CRTAC1: variants seen among roughly 807,000 people sequenced by gnomAD.
CRTAC1 encodes cartilage acidic protein 1, also known as acidic secreted protein in cartilage.
A neutral mutation model predicts 67.8 loss-of-function variants in CRTAC1; 37 were observed. The ratio of observed to expected loss-of-function variants is 0.55; its 90% CI spans 0.42 to 0.72. The LOEUF (loss-of-function observed/expected upper bound fraction) is 0.72, where lower values mean the gene tolerates loss of function less well. Ranked by LOEUF, CRTAC1 falls within the 30% of genes least tolerant of loss-of-function variation. The probability of loss-of-function intolerance (pLI) is 0.00; values close to 1 mark genes in which losing one functional copy is unlikely to be tolerated. For synonymous variants in CRTAC1, 348 were observed against 371.0 expected, an observed-to-expected ratio of 0.94 and a Z score of 0.71; for missense variants, 780 against 931.6, an observed-to-expected ratio of 0.84 and a Z score of 2.12.
intron 3 of CRTAC1, among the ~76,000 whole-genome samples, chr10:97,925,151 G>C (rs2136599013): frequency 6.6e-6 from 1 of 152,268 alleles, no homozygotes; most frequent in South Asian, 2.1e-4. Context: ...CATGCCTGTA[G>C]TCCCAGCTAC....
chr10:97,878,532 C>T, intron 14 of CRTAC1: 1 of 1,123,752 alleles, frequency 8.9e-7, no homozygotes. Context: ...GACTTTTTTT[C>T]CCCATGAAGA....
At chr10:97,902,730 T>C (rs1277091000) in intron 7 of CRTAC1, among the ~76,000 whole-genome samples, 2 of 152,158 alleles carry the variant, frequency 1.3e-5, no homozygotes, top group African/African-American at 4.8e-5. Flanking sequence ...GAGCATCCTC[T>C]ACCCGACTTG....
At chr10:98,023,360 CA>C (rs1843160113) in intron 1 of CRTAC1, among the ~76,000 whole-genome samples, 1 of 152,180 alleles carries the variant, frequency 6.6e-6, no homozygotes, top group Non-Finnish European at 1.5e-5. Context: ...TACCAAGGGT[CA>C]CCTCTGCCCC....
intron 2 of CRTAC1, among the ~76,000 whole-genome samples, chr10:97,996,373 A>T (rs1388682690): frequency 6.6e-6 from 1 of 151,180 alleles, no homozygotes; most frequent in East Asian, 1.9e-4. Context: ...CAATGAACTC[A>T]AACAAATTTA....
rs933430193 is a variant in CRTAC1, at chr10:98,030,539, G to A, written c.-67C>T. The A allele has an allele frequency of 1.8e-6, 2 of 1,131,434 alleles. No homozygotes were observed. The highest frequency in any genetic ancestry group is 4.5e-5 in the South Asian group (1 of 22,162). 70.1% of individuals were successfully genotyped at this position (1,131,434 alleles called of 1,614,324 possible). ...GGCGCTCGCTGCCGCCTCTGCCGCC[G>A]GCGCCGCCGCCTGCTTGCTCCCAGC... On this transcript the variant is annotated 5_prime_UTR_variant, in exon 1 of 15. Coordinates refer to ENST00000370597, the MANE Select transcript of CRTAC1 (RefSeq NM_018058.7). This position sits in a 1 kb window ranked among gnomAD's most constrained non-coding sequence, Gnocchi z 4.2.
rs1029684919 is a variant in CRTAC1 at position 98,030,286 on chromosome 10, G to T, written c.24+163C>A. ...GCTCCGCGCGCCAATCGAGTCCAGC[G>T]CCTCCCAGCAAGTTAGGAGCGAAGC... On this transcript the variant is annotated intron_variant, in intron 1 of 14. Coordinates refer to ENST00000370597, the MANE Select transcript of CRTAC1 (RefSeq NM_018058.7). The surrounding 1 kb of genome is among the most constrained non-coding windows in gnomAD (Gnocchi z 4.2). 9.2e-5 allele frequency among the ~76,000 whole-genome samples: 14 copies of T among 152,058 alleles called. No homozygotes were observed. The highest frequency in any genetic ancestry group is 3.4e-4 in the African/African-American group (14 of 41,420).
intron 11 of CRTAC1, among the ~76,000 whole-genome samples, chr10:97,893,817 T>G (rs1252254621): frequency 6.6e-6 from 1 of 152,218 alleles, no homozygotes; most frequent in Non-Finnish European, 1.5e-5. Context: ...TTTGTCATTT[T>G]GAGAATGTTA....
At chr10:97,955,539 T>C (rs2051426596) in intron 2 of CRTAC1, among the ~76,000 whole-genome samples, 1 of 152,234 alleles carries the variant, frequency 6.6e-6, no homozygotes, top group South Asian at 2.1e-4. Flanking sequence ...TCTGTGTCCT[T>C]GGGCAAGTTT....
intron 2 of CRTAC1, among the ~76,000 whole-genome samples, chr10:97,981,882 T>C (rs1056172599): frequency 6.6e-6 from 1 of 152,260 alleles, no homozygotes; most frequent in African/African-American, 2.4e-5. Context: ...GTTGAAGTCA[T>C]GTATTGTTTT....
In CRTAC1 at chr10:97,975,352, A is replaced by C. The variant is rs1267503999; in HGVS notation, c.224+35786T>G. On this transcript the variant is annotated intron_variant, in intron 2 of 14. Transcript: ENST00000370597. This position sits in a 1 kb window ranked among gnomAD's most constrained non-coding sequence, Gnocchi z 4.8. Reference sequence around the variant, plus strand: ...GGTTCCTGACCCGCCTCCTGGCTGGAGGGTTCAAAAGACTTCAGACCTCCG... The same window carrying C: ...GGTTCCTGACCCGCCTCCTGGCTGGCGGGTTCAAAAGACTTCAGACCTCCG... Among the ~76,000 whole-genome samples the C allele has an allele frequency of 6.6e-6, 1 of 151,762 alleles. No homozygotes were observed. Among genetic ancestry groups the C allele is most frequent in the Non-Finnish European group, 1.5e-5 (1 of 67,908 alleles).
rs184804205 is a variant in CRTAC1 at position 97,878,385 on chromosome 10, C to T, written c.1819+1864G>A. The stretch of plus-strand genomic sequence containing the variant: ...GTTCTAAGTGTAAAAACAGCACTAG[C>T]TACAAGGAATTCATATTTTGTGATT... On this transcript the variant is annotated intron_variant, in intron 14 of 14. Transcript: ENST00000370597. 4.9e-3 allele frequency: 1,071 copies of T among 219,600 alleles called. 19 individuals are homozygous for T. The highest frequency in any genetic ancestry group is 3.2e-3 in the South Asian group (51 of 16,090). 13.6% of individuals were successfully genotyped at this position (219,600 alleles called of 1,614,324 possible).
intron 5 of CRTAC1, 59 bp from the exon 6 acceptor site, chr10:97,908,206 G>A (rs2050641673): frequency 1.3e-6 from 2 of 1,595,224 alleles, no homozygotes; most frequent in Admixed American, 3.4e-5. Context: ...CCACCTGGAG[G>A]ACAGGGCTGC....
chr10:97,931,897 G>A (rs1590218208), intron 3 of CRTAC1, among the ~76,000 whole-genome samples: 1 of 152,186 alleles, frequency 6.6e-6, no homozygotes, highest in Non-Finnish European at 1.5e-5. Flanking sequence ...TGTGGAGGGA[G>A]GTGTCAGCAC....
chr10:97,962,521 G>A (rs1032879726), intron 2 of CRTAC1, among the ~76,000 whole-genome samples: 3 of 152,156 alleles, frequency 2.0e-5, no homozygotes, highest in Non-Finnish European at 2.9e-5. Context: ...GTAACAACTC[G>A]AGTTGTGGAG....
chr10:97,962,816 C>T (rs1363412872), intron 2 of CRTAC1, among the ~76,000 whole-genome samples: 1 of 151,032 alleles, frequency 6.6e-6, no homozygotes, highest in Admixed American at 6.6e-5. Flanking sequence ...CCCGGGCACT[C>T]TTTCAGAATG....
intron 2 of CRTAC1, among the ~76,000 whole-genome samples, chr10:97,986,978 C>CTAAT (rs1351765441): frequency 1.3e-5 from 2 of 152,226 alleles, no homozygotes; most frequent in Non-Finnish European, 2.9e-5. Context: ...TCATTAAATA[C>CTAAT]TAATGCCAGA....
chr10:98,016,750 C>T (rs1843006156), intron 1 of CRTAC1, among the ~76,000 whole-genome samples: 1 of 152,190 alleles, frequency 6.6e-6, no homozygotes, highest in Admixed American at 6.5e-5. Context: ...ACCACTGCCC[C>T]AGCCTTGTGG....
chr10:97,961,942 G>C (rs2051532828), intron 2 of CRTAC1, among the ~76,000 whole-genome samples: 1 of 152,216 alleles, frequency 6.6e-6, no homozygotes, highest in Non-Finnish European at 1.5e-5. Flanking sequence ...CGTACTTGGT[G>C]CTTGTGTCTC....
At chr10:97,956,851 G>A (rs1423152883) in intron 2 of CRTAC1, among the ~76,000 whole-genome samples, 2 of 151,724 alleles carry the variant, frequency 1.3e-5, no homozygotes, top group African/African-American at 4.8e-5. Context: ...ACTCTAGCCA[G>A]GCTGGAGTAC....
Sources: gnomAD v4.1 joint callset for allele counts (sites outside exome capture counted in the v4.1 genomes callset) on GRCh38, gnomAD v4.1.1 for gene constraint, Gnocchi (gnomAD v3.1) non-coding constraint, MANE v1.5 for transcripts, NCBI Gene and HGNC (gene_info 2026-07-23, HGNC 2026-07-21) for gene names.